ACBD6: variants seen among roughly 807,000 people sequenced by gnomAD.
ACBD6 encodes the protein acyl-CoA binding domain containing 6.
In ACBD6, 28 loss-of-function variants were observed where a neutral mutation model predicts 37.2. The observed-to-expected ratio is 0.75, with a 90% confidence interval of 0.56 to 1.03. The LOEUF (loss-of-function observed/expected upper bound fraction) is 1.03. ACBD6 is among the 50% of genes least tolerant of loss of function. The probability of loss-of-function intolerance (pLI) is 0.00; values close to 1 mark genes in which losing one functional copy is unlikely to be tolerated. For synonymous variants in ACBD6, 113 were observed against 126.8 expected (o/e 0.89, Z 0.73); for missense variants, 340 against 337.4 (o/e 1.01, Z -0.06).
At chr1:180,305,598 A>G in intron 7 of ACBD6, among the ~76,000 whole-genome samples, 1 of 152,154 alleles carries the variant, frequency 6.6e-6, no homozygotes, top group Non-Finnish European at 1.5e-5. Context: ...AAAGTCAGGA[A>G]ACAACAGGTG....
chr1:180,296,224 G>A (rs186113527), intron 7 of ACBD6, among the ~76,000 whole-genome samples: 9 of 152,234 alleles, frequency 5.9e-5, no homozygotes, highest in African/African-American at 1.4e-4. Context: ...TTCATTCTAC[G>A]AAGACTGAAA....
intron 10 of ACBD6, chr1:180,274,585 TCTC>T (rs1440904685): frequency 1.9e-6 from 3 of 1,558,966 alleles, no homozygotes; most frequent in Non-Finnish European, 2.6e-6. Context: ...TTTAAACTTC[TCTC>T]CTCCCCACCC....
At chr1:180,278,044 C>T (rs1649144116) in intron 9 of ACBD6, 1 of 152,190 alleles carries the variant, frequency 6.6e-6, no homozygotes, top group Non-Finnish European at 1.5e-5. Context: ...CAGGAGGGGG[C>T]TCAAGGCTTC....
chr1:180,281,943 G>A (rs981200906), intron 8 of ACBD6, among the ~76,000 whole-genome samples: 3 of 152,198 alleles, frequency 2.0e-5, no homozygotes, highest in African/African-American at 4.8e-5. Flanking sequence ...GAAAGCAGAC[G>A]TGGGCTTCTG....
At chr1:180,343,753 G>A (rs1008794434) in intron 6 of ACBD6, among the ~76,000 whole-genome samples, 1 of 152,040 alleles carries the variant, frequency 6.6e-6, no homozygotes, top group Non-Finnish European at 1.5e-5. Context: ...TATAGTAAAA[G>A]TAAGCATAAA....
intron 3 of ACBD6, among the ~76,000 whole-genome samples, chr1:180,473,676 T>C (rs964734010): frequency 1.3e-5 from 2 of 152,200 alleles, no homozygotes; most frequent in African/African-American, 4.8e-5. Flanking sequence ...AAGTCAGTAA[T>C]ATATGTATAT....
At chr1:180,356,544 G>A (rs886066691) in intron 6 of ACBD6, among the ~76,000 whole-genome samples, 8 of 150,576 alleles carry the variant, frequency 5.3e-5, no homozygotes, top group Non-Finnish European at 8.9e-5. Context: ...ATAATATATC[G>A]TATAATGAAA....
rs1346138670 is a variant in ACBD6 at position 180,433,132 on chromosome 1, C to CA, written c.385-2871dup. Among the ~76,000 whole-genome samples the CA allele has an allele frequency of 2.6e-5, 4 of 151,968 alleles. No homozygotes were observed. In the East Asian group the frequency reaches 7.7e-4, roughly 29 times the overall value. ...CCAATATCCCTGATGAATATTAATC[C>CA]AAAAAATCAACTAAATATTAATAAA... On this transcript the variant is annotated intron_variant, in intron 3 of 7. Coordinates refer to ENST00000367595, the MANE Select transcript of ACBD6 (RefSeq NM_032360.4).
chr1:180,332,478 C>T (rs1165724079), intron 6 of ACBD6, among the ~76,000 whole-genome samples: 1 of 152,132 alleles, frequency 6.6e-6, no homozygotes, highest in Admixed American at 6.5e-5. Context: ...TGAGCTCTGC[C>T]TCTTGTCAGA....
chr1:180,389,441 G>A (rs1421478539), intron 6 of ACBD6, among the ~76,000 whole-genome samples: 1 of 152,158 alleles, frequency 6.6e-6, no homozygotes, highest in East Asian at 1.9e-4. Context: ...TTGCTATTGT[G>A]AATAGTGCTG....
chr1:180,364,895 GGCT>G, intron 6 of ACBD6, among the ~76,000 whole-genome samples: 1 of 152,108 alleles, frequency 6.6e-6, no homozygotes, highest in African/African-American at 2.4e-5. Flanking sequence ...CACAACGCCT[GGCT>G]AATTTTCTGT....
chr1:180,456,980 T>C (rs1649951029), intron 3 of ACBD6, among the ~76,000 whole-genome samples: 1 of 152,142 alleles, frequency 6.6e-6, no homozygotes, highest in Admixed American at 6.5e-5. Context: ...CTATAACAAG[T>C]ATTTAAAAAA....
intron 5 of ACBD6, among the ~76,000 whole-genome samples, chr1:180,401,703 G>A (rs1202782492): frequency 2.0e-5 from 3 of 150,770 alleles, no homozygotes; most frequent in Non-Finnish European, 4.4e-5. Context: ...CAGGAGAATC[G>A]CCTGAACCTG....
At chr1:180,456,547 A>G (rs1649931535) in intron 3 of ACBD6, among the ~76,000 whole-genome samples, 1 of 152,212 alleles carries the variant, frequency 6.6e-6, no homozygotes, top group South Asian at 2.1e-4. Context: ...AAAGCACATG[A>G]AAAGTGTAAA....
intron 6 of ACBD6, among the ~76,000 whole-genome samples, chr1:180,347,693 C>T (rs1344311442): frequency 1.3e-5 from 2 of 152,036 alleles, no homozygotes; most frequent in African/African-American, 2.4e-5. Flanking sequence ...GGTTCTAGGC[C>T]GGGTGCGGTG....
chr1:180,481,971 G>A (rs554567778), intron 3 of ACBD6, among the ~76,000 whole-genome samples: 1 of 152,202 alleles, frequency 6.6e-6, no homozygotes, highest in South Asian at 2.1e-4. Flanking sequence ...TTTCTGAGAT[G>A]AGAGTTTTAA....
chr1:180,475,463 T>C (rs72716619), intron 3 of ACBD6, among the ~76,000 whole-genome samples: 8,142 of 152,270 alleles, frequency 0.053, 270 homozygotes, highest in South Asian at 0.089. Flanking sequence ...CAGAGTTCAC[T>C]ATAGCCTCAA....
At chr1:180,483,322 AC>A (rs1651129121) in intron 3 of ACBD6, among the ~76,000 whole-genome samples, 1 of 152,114 alleles carries the variant, frequency 6.6e-6, no homozygotes. Flanking sequence ...TTAAGAAGGT[AC>A]CCCTGCCTCC....
chr1:180,329,530 A>G (rs1651394665), intron 6 of ACBD6, among the ~76,000 whole-genome samples: 1 of 151,770 alleles, frequency 6.6e-6, no homozygotes, highest in Admixed American at 6.6e-5. Context: ...TCACAACATG[A>G]TTTGTAGAAA....
Sources: gnomAD v4.1 joint callset for allele counts (sites outside exome capture counted in the v4.1 genomes callset) on GRCh38, gnomAD v4.1.1 for gene constraint, MANE v1.5 for transcripts, NCBI Gene and HGNC (gene_info 2026-07-23, HGNC 2026-07-21) for gene names.